Variants in TAF15 observed in about 807,000 individuals in gnomAD.
TAF15 encodes the protein TATA-binding protein-associated factor 2N.
In TAF15, 37 loss-of-function variants were observed where a neutral mutation model predicts 102.5. The observed-to-expected ratio is 0.36, with a 90% CI of 0.28 to 0.47. The LOEUF (loss-of-function observed/expected upper bound fraction) is 0.47, where lower values mean the gene tolerates loss of function less well. Ranked by LOEUF, TAF15 falls within the 20% of genes least tolerant of loss-of-function variation. The probability of loss-of-function intolerance (pLI) is 0.99; values close to 1 mark genes in which losing one functional copy is unlikely to be tolerated. For synonymous variants in TAF15, 273 were observed against 259.2 expected, an observed-to-expected ratio of 1.05 and a Z score of -0.51; for missense variants, 652 against 760.7, an observed-to-expected ratio of 0.86 and a Z score of 1.68.
intron 1 of TAF15, among the ~76,000 whole-genome samples, chr17:35,812,874 TC>T (rs2087142577): frequency 6.6e-6 from 1 of 152,076 alleles, no homozygotes; most frequent in African/African-American, 2.4e-5. Flanking sequence ...ATGCCTGTAA[TC>T]CCAGCCCTTT....
At chr17:35,836,303 C>A (rs945665847) in intron 10 of TAF15, 62 bp downstream of exon 10, 3 of 1,214,266 alleles carry the variant, frequency 2.5e-6, no homozygotes, top group Admixed American at 1.7e-5. Context: ...AATACATAGA[C>A]TATGTAGTAA....
intron 8 of TAF15, 130 bp from the exon 9 acceptor site, chr17:35,834,436 T>A: frequency 1.3e-6 from 1 of 764,370 alleles, no homozygotes; most frequent in South Asian, 1.6e-5. Context: ...ACTTTGTAAA[T>A]CTGTGATGGT....
chr17:35,812,453 T>C (rs1427501418), intron 1 of TAF15, among the ~76,000 whole-genome samples: 4 of 151,520 alleles, frequency 2.6e-5, no homozygotes, highest in Non-Finnish European at 4.4e-5. Flanking sequence ...TAAGGCATCC[T>C]ACATGCCTGT....
chr17:35,833,511 C>T (rs2087432559), intron 7 of TAF15: 2 of 161,744 alleles, frequency 1.2e-5, no homozygotes, highest in African/African-American at 5.3e-5. Flanking sequence ...CTTAACCTTG[C>T]TTTGTATTCT....
intron 1 of TAF15, among the ~76,000 whole-genome samples, chr17:35,813,200 G>T (rs1251926343): frequency 6.7e-6 from 1 of 150,188 alleles, no homozygotes; most frequent in African/African-American, 2.5e-5. Flanking sequence ...AAAACGTTTA[G>T]AATTAATTAG....
At chr17:35,823,857 T>TACTG (rs1336292437) in intron 6 of TAF15, 7 of 620,852 alleles carry the variant, frequency 1.1e-5, no homozygotes, top group Non-Finnish European at 2.0e-5. Context: ...ACAGATACAT[T>TACTG]ACTGTTTTGC....
intron 5 of TAF15, among the ~76,000 whole-genome samples, chr17:35,822,139 A>G (rs2087267669): frequency 1.3e-5 from 2 of 151,866 alleles, no homozygotes; most frequent in African/African-American, 4.8e-5. Context: ...GTCAGGAGTT[A>G]AAGACCAGCC....
At position 35,844,573 on chromosome 17, in the gene TAF15, G is replaced by T. The variant is rs1267486635; in HGVS notation, c.1274G>T (p.Gly425Val). ...RGGYGGDRSG[G>V]GYGGDRSSGG... ...GGCTATGGTGGAGACAGAAGTGGGGGTGGCTATGGTGGAGACAGAAGCAGC... is the reference window on the plus strand; with the variant it reads ...GGCTATGGTGGAGACAGAAGTGGGGTTGGCTATGGTGGAGACAGAAGCAGC... Residue 425 changes from glycine (G) to valine (V), a missense_variant, in exon 15 of 16, where the codon GGT becomes GTT. This residue lies in a region of TAF15 where 368 missense variants were observed against 367.5 expected (regional missense o/e 1.00). Transcript: ENST00000605844. 3 of 1,599,330 alleles carry T rather than the reference G, an allele frequency of 1.9e-6. No individual in the cohort carries two copies. Among genetic ancestry groups the T allele is most frequent in the South Asian group, 1.1e-5 (1 of 88,708 alleles).
At chr17:35,846,108 C>T (rs945287546) in intron 15 of TAF15, among the ~76,000 whole-genome samples, 2 of 152,146 alleles carry the variant, frequency 1.3e-5, no homozygotes, top group African/African-American at 2.4e-5. Context: ...ATACTAAGGA[C>T]CTGTATGCCA....
At chr17:35,838,589 G>T (rs2087503838) in intron 11 of TAF15, 36 bp downstream of exon 11, 1 of 1,610,096 alleles carries the variant, frequency 6.2e-7, no homozygotes, top group South Asian at 1.1e-5. Flanking sequence ...GCATGAAGTT[G>T]GATAAATGTT....
At chr17:35,833,034 G>C (rs553954781) in intron 7 of TAF15, among the ~76,000 whole-genome samples, 1 of 152,178 alleles carries the variant, frequency 6.6e-6, no homozygotes, top group South Asian at 2.1e-4. Context: ...ACACGCATCT[G>C]TAATCCCAGC....
At chr17:35,814,874 A>ATG (rs1568242581) in intron 1 of TAF15, among the ~76,000 whole-genome samples, 1 of 151,608 alleles carries the variant, frequency 6.6e-6, no homozygotes, top group African/African-American at 2.4e-5. Flanking sequence ...GTGTGTGTGT[A>ATG]TATATATATG....
chr17:35,819,888 T>C lies in TAF15; in HGVS notation c.48-136T>C, dbSNP rs561149634. 3 of 783,292 alleles carry C rather than the reference T, an allele frequency of 3.8e-6. 1 individual carries two copies. In the South Asian group the frequency reaches 4.7e-5, roughly 12 times the overall value. 48.5% of individuals were successfully genotyped at this position (783,292 alleles called of 1,614,324 possible). ...GATCGTCACCTTTCAATTTAGACTC[T>C]AGAGACAGGGAGATTGATGATTTCT... On this transcript the variant is annotated intron_variant, in intron 2 of 15. Coordinates refer to ENST00000605844, the MANE Select transcript of TAF15 (RefSeq NM_139215.3).
At position 35,846,969 on chromosome 17, in the gene TAF15, T is replaced by G. The variant is rs2087630940; in HGVS notation, c.*24T>G. On this transcript the variant is annotated 3_prime_UTR_variant, in exon 16 of 16. Coordinates refer to ENST00000605844, the MANE Select transcript of TAF15 (RefSeq NM_139215.3). ...GATGACTGTTTTGAATGTTCCTTTG[T>G]CTCTGACATGATCCATAGTGAAATT... is the stretch of plus-strand genomic sequence containing the variant. 4 of 1,614,024 alleles carry G rather than the reference T, an allele frequency of 2.5e-6. No individual in the cohort carries two copies. Among genetic ancestry groups the G allele is most frequent in the Non-Finnish European group, 3.4e-6 (4 of 1,179,926 alleles).
chr17:35,836,660 C>T (rs1046247152), intron 10 of TAF15, among the ~76,000 whole-genome samples: 3 of 152,184 alleles, frequency 2.0e-5, no homozygotes, highest in Non-Finnish European at 4.4e-5. Flanking sequence ...GCGTCTTTTG[C>T]ACTATTTTCA....
chr17:35,833,327 G>GTCTT (rs1419669321), intron 7 of TAF15, among the ~76,000 whole-genome samples: 2 of 152,114 alleles, frequency 1.3e-5, no homozygotes, highest in African/African-American at 4.8e-5. Context: ...TGCTCTTTTA[G>GTCTT]TCTTTTATAA....
rs200846170 is a variant in TAF15, at chr17:35,842,720, A to AT, written c.1006+273dup. 5.8e-3 allele frequency among the ~76,000 whole-genome samples: 845 copies of AT among 145,546 alleles called. 10 individuals are homozygous for AT. The highest frequency in any genetic ancestry group is 0.015 in the African/African-American group (615 of 39,864). Reference sequence around the variant, plus strand: ...CTGTTCACTTGGAAATCAGGAGGCAATTTTTTTTTTTTGGTTTTTGTGTTT... The same window carrying AT: ...CTGTTCACTTGGAAATCAGGAGGCAATTTTTTTTTTTTTGGTTTTTGTGTTT... On this transcript the variant is annotated intron_variant, in intron 12 of 15. Coordinates refer to ENST00000605844, the MANE Select transcript of TAF15 (RefSeq NM_139215.3).
At position 35,847,233 on chromosome 17, in the gene TAF15, G is replaced by T; in HGVS notation, c.*288G>T. On this transcript the variant is annotated 3_prime_UTR_variant, in exon 16 of 16. Coordinates refer to ENST00000605844, the MANE Select transcript of TAF15 (RefSeq NM_139215.3). ...GCAATAAAGGCTGCTTGTTTTTGTGGACTTTTGTACATACTAGTGCATTGT... is the reference window on the plus strand; with the variant it reads ...GCAATAAAGGCTGCTTGTTTTTGTGTACTTTTGTACATACTAGTGCATTGT... 2 of 598,918 alleles carry T rather than the reference G, an allele frequency of 3.3e-6. No individual in the cohort carries two copies. Among genetic ancestry groups the T allele is most frequent in the South Asian group, 2.1e-5 (1 of 47,888 alleles). The allele number at this position is 598,918 out of a possible 1,614,324, so 37.1% of individuals were successfully genotyped here.
chr17:35,829,399 G>A (rs1394024825), intron 7 of TAF15, among the ~76,000 whole-genome samples: 1 of 150,970 alleles, frequency 6.6e-6, no homozygotes, highest in Non-Finnish European at 1.5e-5. Context: ...TTGGGAGGCC[G>A]AGACGGGTGG....
Sources: gnomAD v4.1 joint callset for allele counts (sites outside exome capture counted in the v4.1 genomes callset) on GRCh38, gnomAD v4.1.1 for gene constraint, gnomAD v4.1.1 regional missense constraint, MANE v1.5 for transcripts, NCBI Gene and HGNC (gene_info 2026-07-23, HGNC 2026-07-21) for gene names.